PARD3: variants seen among roughly 807,000 people sequenced by gnomAD.
PARD3 encodes the protein partitioning defective 3 homolog.
Under a neutral mutation model 155.4 loss-of-function variants are expected in PARD3, and 75 were observed. The observed-to-expected ratio is 0.48, with a 90% CI of 0.40 to 0.58. PARD3 has a LOEUF of 0.58. PARD3 is among the 20% of genes least tolerant of loss of function. The probability of loss-of-function intolerance (pLI) is 0.00; values close to 1 mark genes in which losing one functional copy is unlikely to be tolerated. For missense variants in PARD3, 1,642 were observed against 1,721.7 expected (o/e 0.95, Z 0.82); for synonymous variants, 576 against 610.5 (o/e 0.94, Z 0.83).
chr10:34,350,534 T>TGAGGCAGAGAATTGCTTGAACCCAG, intron 14 of PARD3, among the ~76,000 whole-genome samples: 1 of 147,762 alleles, frequency 6.8e-6, no homozygotes, highest in Non-Finnish European at 1.5e-5. Flanking sequence ...CTCGGGAGGC[T>TGAGGCAGAGAATTGCTTGAACCCAG]GAGGCAGAGA....
At chr10:34,625,238 A>G (rs2091921752) in intron 2 of PARD3, among the ~76,000 whole-genome samples, 2 of 152,262 alleles carry the variant, frequency 1.3e-5, no homozygotes, top group Non-Finnish European at 2.9e-5. Flanking sequence ...TAAGCAAGTT[A>G]AGACTTTACA....
intron 1 of PARD3, among the ~76,000 whole-genome samples, chr10:34,774,029 C>T (rs1839234164): frequency 6.6e-6 from 1 of 152,184 alleles, no homozygotes; most frequent in Non-Finnish European, 1.5e-5. Flanking sequence ...TAAACACAGT[C>T]CACATTTCTC....
chr10:34,580,744 C>T (rs902306303), intron 2 of PARD3, among the ~76,000 whole-genome samples: 23 of 152,032 alleles, frequency 1.5e-4, no homozygotes, highest in Admixed American at 4.6e-4. Context: ...TAAAGATTTC[C>T]ACCATAACTT....
intron 2 of PARD3, among the ~76,000 whole-genome samples, chr10:34,642,700 T>TGACCCCCAC (rs1433545094): frequency 7.9e-5 from 12 of 152,106 alleles, no homozygotes; most frequent in Non-Finnish European, 7.4e-5. Flanking sequence ...CCCCTCCCCA[T>TGACCCCCAC]GACCCCCACG....
At chr10:34,593,783 A>T (rs1358021146) in intron 2 of PARD3, among the ~76,000 whole-genome samples, 2 of 152,224 alleles carry the variant, frequency 1.3e-5, no homozygotes, top group Non-Finnish European at 2.9e-5. Context: ...TACCATTCAT[A>T]TGAGCATTAT....
intron 2 of PARD3, among the ~76,000 whole-genome samples, chr10:34,679,756 G>A (rs80175532): frequency 0.013 from 2,049 of 152,212 alleles, 54 homozygotes; most frequent in African/African-American, 0.046. Flanking sequence ...AGTTGAGCTC[G>A]AGAACAGGTC....
intron 4 of PARD3, among the ~76,000 whole-genome samples, chr10:34,460,648 A>G (rs530894621): frequency 6.6e-6 from 1 of 152,152 alleles, no homozygotes; most frequent in South Asian, 2.1e-4. Flanking sequence ...CCTGACTAAC[A>G]CGGTGAAACC....
intron 24 of PARD3, among the ~76,000 whole-genome samples, chr10:34,116,119 C>G (rs1429673344): frequency 6.6e-6 from 1 of 152,192 alleles, no homozygotes; most frequent in Non-Finnish European, 1.5e-5. Context: ...CTTTTCCTGC[C>G]AACTAGTGTT....
intron 2 of PARD3, among the ~76,000 whole-genome samples, chr10:34,667,231 T>C (rs2093509620): frequency 6.6e-6 from 1 of 152,114 alleles, no homozygotes; most frequent in South Asian, 2.1e-4. Context: ...AATCCAAACA[T>C]TAAAATGAAC....
chr10:34,613,920 T>C (rs909672232), intron 2 of PARD3, among the ~76,000 whole-genome samples: 2 of 152,164 alleles, frequency 1.3e-5, no homozygotes, highest in Non-Finnish European at 2.9e-5. Flanking sequence ...TGTCAGCAAA[T>C]CTTTTCCTGA....
intron 22 of PARD3, among the ~76,000 whole-genome samples, chr10:34,172,632 A>T (rs1949848979): frequency 1.3e-5 from 2 of 152,030 alleles, no homozygotes; most frequent in African/African-American, 4.8e-5. Flanking sequence ...AAGGACTCAG[A>T]TCCCCCATGC....
At chr10:34,745,266 G>T (rs140361684) in intron 1 of PARD3, among the ~76,000 whole-genome samples, 1 of 152,118 alleles carries the variant, frequency 6.6e-6, no homozygotes, top group African/African-American at 2.4e-5. Context: ...GGAGGCTGAG[G>T]TAGGAGAATC....
At chr10:34,664,624 T>C (rs1185979497) in intron 2 of PARD3, among the ~76,000 whole-genome samples, 1 of 152,058 alleles carries the variant, frequency 6.6e-6, no homozygotes, top group East Asian at 1.9e-4. Flanking sequence ...TAGCTGGGAT[T>C]ACAGGCATGT....
intron 5 of PARD3, among the ~76,000 whole-genome samples, chr10:34,435,283 C>T (rs1187787947): frequency 1.3e-5 from 2 of 152,088 alleles, no homozygotes; most frequent in African/African-American, 4.8e-5. Context: ...TCTTAAACAT[C>T]AGAAAGGGAA....
At chr10:34,415,845 C>G (rs1845618933) in intron 5 of PARD3, among the ~76,000 whole-genome samples, 1 of 152,172 alleles carries the variant, frequency 6.6e-6, no homozygotes, top group African/African-American at 2.4e-5. Context: ...TACATACTGT[C>G]TGGAGAAAGC....
chr10:34,699,581 TG>T, intron 1 of PARD3, among the ~76,000 whole-genome samples: 1 of 152,342 alleles, frequency 6.6e-6, no homozygotes. Context: ...GATTCCACTT[TG>T]TAGTAGTTTG....
At chr10:34,765,757 A>T (rs1012897619) in intron 1 of PARD3, among the ~76,000 whole-genome samples, 3 of 152,262 alleles carry the variant, frequency 2.0e-5, no homozygotes, top group Non-Finnish European at 4.4e-5. Context: ...TTCTCAGAGG[A>T]GAAGGAAGAA....
chr10:34,289,263 C>T (rs751306055), intron 20 of PARD3, among the ~76,000 whole-genome samples: 1 of 152,120 alleles, frequency 6.6e-6, no homozygotes, highest in Non-Finnish European at 1.5e-5. Flanking sequence ...AATCTCAGCT[C>T]ACTGCAACCT....
intron 20 of PARD3, among the ~76,000 whole-genome samples, chr10:34,293,429 T>A (rs1956766873): frequency 6.6e-6 from 1 of 152,110 alleles, no homozygotes; most frequent in South Asian, 2.1e-4. Context: ...ATAATCACAT[T>A]ATATTTCTGT....
Sources: gnomAD v4.1 joint callset for allele counts (sites outside exome capture counted in the v4.1 genomes callset) on GRCh38, gnomAD v4.1.1 for gene constraint, MANE v1.5 for transcripts, NCBI Gene and HGNC (gene_info 2026-07-23, HGNC 2026-07-21) for gene names.